Variants in SMOC2 observed in about 807,000 individuals in gnomAD.
SMOC2 encodes SPARC-related modular calcium-binding protein 2.
Under a neutral mutation model 61.4 loss-of-function variants are expected in SMOC2, and 39 were observed. The ratio of observed to expected loss-of-function variants is 0.64; its 90% confidence interval spans 0.49 to 0.83. The LOEUF (loss-of-function observed/expected upper bound fraction) is 0.83, where lower values mean the gene tolerates loss of function less well. Ranked by LOEUF, SMOC2 falls within the 40% of genes least tolerant of loss-of-function variation. The pLI is 0.00. For synonymous variants in SMOC2, 247 were observed against 239.9 expected, an observed-to-expected ratio of 1.03 and a Z score of -0.27; for missense variants, 556 against 592.9, an observed-to-expected ratio of 0.94 and a Z score of 0.65.
intron 11 of SMOC2, among the ~76,000 whole-genome samples, chr6:168,658,008 C>T (rs915104406): frequency 2.0e-5 from 3 of 152,172 alleles, no homozygotes; most frequent in Non-Finnish European, 4.4e-5. Context: ...ATTTTGGTCC[C>T]TGCTCAGGAT....
intron 4 of SMOC2, among the ~76,000 whole-genome samples, chr6:168,528,430 G>T (rs1308135766): frequency 1.3e-5 from 2 of 152,156 alleles, no homozygotes; most frequent in African/African-American, 4.8e-5. Flanking sequence ...TATGTATTAA[G>T]ATAGTCAAAA....
intron 1 of SMOC2, among the ~76,000 whole-genome samples, chr6:168,462,545 C>G (rs753443388): frequency 6.6e-6 from 1 of 152,100 alleles, no homozygotes; most frequent in African/African-American, 2.4e-5. Flanking sequence ...ATGACCAAGA[C>G]CTCGTCTCTG....
intron 7 of SMOC2, among the ~76,000 whole-genome samples, chr6:168,563,568 AGGGTGATGGTGTTAG>A (rs1199796388): frequency 6.6e-6 from 1 of 152,030 alleles, no homozygotes. Context: ...CCTCACCCCC[AGGGTGATGGTGTTAG>A]GGGCTGGGGC....
intron 2 of SMOC2, among the ~76,000 whole-genome samples, chr6:168,516,376 C>CAAA (rs3065283): frequency 3.4e-4 from 46 of 134,094 alleles, no homozygotes; most frequent in African/African-American, 1.2e-3. Flanking sequence ...ATAGAAAAGC[C>CAAA]AAAAAAAAAA....
At chr6:168,652,152 A>G (rs181939563) in intron 10 of SMOC2, among the ~76,000 whole-genome samples, 111 of 152,358 alleles carry the variant, frequency 7.3e-4, no homozygotes, top group Middle Eastern at 3.4e-3. Flanking sequence ...CTGCAAACTA[A>G]AAATGAAGGC....
At chr6:168,560,531 A>G (rs1784387885) in intron 7 of SMOC2, among the ~76,000 whole-genome samples, 1 of 144,048 alleles carries the variant, frequency 6.9e-6, no homozygotes, top group South Asian at 2.2e-4. Context: ...TTCTTGGAGG[A>G]GGTGTCATTT....
At chr6:168,620,715 C>G (rs542020357) in intron 9 of SMOC2, among the ~76,000 whole-genome samples, 3 of 152,142 alleles carry the variant, frequency 2.0e-5, no homozygotes, top group Admixed American at 2.0e-4. Context: ...CGTGAGAAAT[C>G]ACTTCTGCAG....
Position 168,548,574 on chromosome 6 carries a change from C to G in SMOC2, c.563-555C>G, listed in dbSNP as rs543921790. Among the ~76,000 whole-genome samples, 6 of 151,732 alleles carry G rather than the reference C, an allele frequency of 4.0e-5. No individual in the cohort carries two copies. In the South Asian group the frequency reaches 1.3e-3, roughly 32 times the overall value. On this transcript the variant is annotated intron_variant, in intron 6 of 12. Transcript: ENST00000356284. The stretch of plus-strand genomic sequence containing the variant: ...AGAGACAGGGTTTCACCATGTTGGC[C>G]AGGCTGGTCTTGAACACCCGACCTC...
chr6:168,656,548 A>G (rs1583191971), intron 11 of SMOC2, among the ~76,000 whole-genome samples: 1 of 124,060 alleles, frequency 8.1e-6, no homozygotes, highest in African/African-American at 2.5e-5. Context: ...AAAGAAAAAG[A>G]GAAAAGGAAA....
At chr6:168,540,762 C>G (rs1306843737) in intron 4 of SMOC2, among the ~76,000 whole-genome samples, 1 of 152,184 alleles carries the variant, frequency 6.6e-6, no homozygotes, top group Non-Finnish European at 1.5e-5. Flanking sequence ...GTTCCCTTTT[C>G]TTTTTCTCTC....
In SMOC2 at chr6:168,574,202, A is replaced by G. The variant is rs1004241608; in HGVS notation, c.638-24616A>G. Among the ~76,000 whole-genome samples the G allele has an allele frequency of 5.3e-5, 8 of 152,356 alleles. No individual in the cohort carries two copies. In the South Asian group the frequency reaches 1.7e-3, roughly 32 times the overall value. ...GCACCTGTCATCCAGCACCAGGAAGATGGGAGTGGTGTGGCAGCGCTGGGA... is the reference window on the plus strand; with the variant it reads ...GCACCTGTCATCCAGCACCAGGAAGGTGGGAGTGGTGTGGCAGCGCTGGGA... On this transcript the variant is annotated intron_variant, in intron 7 of 12. Coordinates refer to ENST00000356284, the MANE Select transcript of SMOC2 (RefSeq NM_001166412.2).
At chr6:168,551,511 C>A (rs1386906905) in intron 7 of SMOC2, among the ~76,000 whole-genome samples, 1 of 151,618 alleles carries the variant, frequency 6.6e-6, no homozygotes, top group Non-Finnish European at 1.5e-5. Context: ...TGGCGAGCAG[C>A]AGCACAATCT....
intron 4 of SMOC2, among the ~76,000 whole-genome samples, chr6:168,534,788 A>G (rs1017760902): frequency 6.6e-6 from 1 of 152,182 alleles, no homozygotes; most frequent in African/African-American, 2.4e-5. Flanking sequence ...AGTTGAGAAC[A>G]GTATCCTGTA....
chr6:168,441,638 G>A (rs1781212395), intron 1 of SMOC2, among the ~76,000 whole-genome samples, 184 bp downstream of exon 1: 1 of 152,146 alleles, frequency 6.6e-6, no homozygotes, highest in Non-Finnish European at 1.5e-5. Flanking sequence ...GTGCGCGCCT[G>A]GGACCCGGCT....
At chr6:168,562,482 G>A (rs1188097629) in intron 7 of SMOC2, among the ~76,000 whole-genome samples, 1 of 151,136 alleles carries the variant, frequency 6.6e-6, no homozygotes, top group Non-Finnish European at 1.5e-5. Flanking sequence ...CCTGAGACAC[G>A]AGGCTCTGAC....
chr6:168,456,088 CG>C (rs1410260988), intron 1 of SMOC2, among the ~76,000 whole-genome samples: 1 of 152,214 alleles, frequency 6.6e-6, no homozygotes, highest in Non-Finnish European at 1.5e-5. Flanking sequence ...CGTGGGGGCA[CG>C]GGCCTGCTGG....
chr6:168,455,901 C>G (rs1176262215), intron 1 of SMOC2, among the ~76,000 whole-genome samples: 1 of 152,248 alleles, frequency 6.6e-6, no homozygotes, highest in African/African-American at 2.4e-5. Flanking sequence ...TAGGGTGACC[C>G]GCTCCGTGAA....
At chr6:168,645,928 T>C (rs1431588788) in intron 9 of SMOC2, among the ~76,000 whole-genome samples, 1 of 152,148 alleles carries the variant, frequency 6.6e-6, no homozygotes, top group East Asian at 1.9e-4. Context: ...TGTGAGTGGA[T>C]ACATAGACAA....
At chr6:168,543,388 T>C (rs751275145) in intron 4 of SMOC2, among the ~76,000 whole-genome samples, 6 of 152,228 alleles carry the variant, frequency 3.9e-5, no homozygotes, top group Non-Finnish European at 8.8e-5. Flanking sequence ...CTTATATACA[T>C]GTGCAACCCC....
Sources: gnomAD v4.1 joint callset for allele counts (sites outside exome capture counted in the v4.1 genomes callset) on GRCh38, gnomAD v4.1.1 for gene constraint, MANE v1.5 for transcripts, NCBI Gene and HGNC (gene_info 2026-07-23, HGNC 2026-07-21) for gene names.